The following SRD5A2 variants were observed in gnomAD, a reference collection of about 807,000 sequenced individuals.
The protein encoded by SRD5A2 is 3-oxo-5-alpha-steroid 4-dehydrogenase 2.
A neutral mutation model predicts 27.4 loss-of-function variants in SRD5A2; 30 were observed. That is an observed-to-expected ratio of 1.10 (90% CI 0.82 to 1.49). The LOEUF (loss-of-function observed/expected upper bound fraction) is 1.49. Among genes scored for constraint, SRD5A2 ranks in the 40% most tolerant of loss-of-function variants. The pLI is 0.00. For synonymous variants in SRD5A2, 141 were observed against 133.6 expected, an observed-to-expected ratio of 1.06 and a Z score of -0.38; for missense variants, 348 against 323.4, an observed-to-expected ratio of 1.08 and a Z score of -0.58.
the SRD5A2 span, among the ~76,000 whole-genome samples, chr2:31,650,383 GAAGA>G: frequency 6.6e-6 from 1 of 152,180 alleles, no homozygotes; most frequent in South Asian, 2.1e-4. Flanking sequence ...TCACTAAAGT[GAAGA>G]AAGAATAGTA....
At chr2:31,592,795 G>T in the SRD5A2 span, among the ~76,000 whole-genome samples, 1 of 152,116 alleles carries the variant, frequency 6.6e-6, no homozygotes, top group South Asian at 2.1e-4. Context: ...ACCCCCAAAA[G>T]ATCACACTAG....
upstream of SRD5A2, among the ~76,000 whole-genome samples, chr2:31,582,496 A>G (rs1223076620): frequency 6.6e-6 from 1 of 152,184 alleles, no homozygotes; most frequent in East Asian, 1.9e-4. Context: ...TACTGACCGA[A>G]GCATTTTTCA....
chr2:31,571,813 AT>A (rs1371524480), intron 1 of SRD5A2, among the ~76,000 whole-genome samples: 2 of 152,258 alleles, frequency 1.3e-5, no homozygotes, highest in African/African-American at 4.8e-5. Context: ...CAAAACCACC[AT>A]AAAATATCAT....
chr2:31,536,599 C>G (rs1286838092), intron 1 of SRD5A2, among the ~76,000 whole-genome samples: 1 of 152,194 alleles, frequency 6.6e-6, no homozygotes, highest in Non-Finnish European at 1.5e-5. Context: ...ACACATGGTA[C>G]AGACAGAAGA....
At chr2:31,617,895 G>C in the SRD5A2 span, among the ~76,000 whole-genome samples, 1 of 152,120 alleles carries the variant, frequency 6.6e-6, no homozygotes, top group Non-Finnish European at 1.5e-5. Context: ...TTCAATCTCT[G>C]CCTGTCACCC....
intron 1 of SRD5A2, among the ~76,000 whole-genome samples, chr2:31,575,159 A>G (rs1666931953): frequency 6.6e-6 from 1 of 151,868 alleles, no homozygotes; most frequent in Non-Finnish European, 1.5e-5. Context: ...AGATTTGTCT[A>G]TTGTTTCCAA....
chr2:31,539,398 T>G (rs1157581341), intron 1 of SRD5A2, among the ~76,000 whole-genome samples: 1 of 152,218 alleles, frequency 6.6e-6, no homozygotes, highest in African/African-American at 2.4e-5. Flanking sequence ...ATAGTTGCTT[T>G]GTTATAACAA....
intron 1 of SRD5A2, among the ~76,000 whole-genome samples, chr2:31,559,813 C>T (rs1666577168): frequency 6.7e-6 from 1 of 148,410 alleles, no homozygotes; most frequent in Non-Finnish European, 1.5e-5. Context: ...TACATCAGTG[C>T]CCATAAGTAA....
At chr2:31,569,677 C>CAAAAAAAAAAAAAAAAAAA in intron 1 of SRD5A2, among the ~76,000 whole-genome samples, 1 of 138,576 alleles carries the variant, frequency 7.2e-6, no homozygotes, top group African/African-American at 2.6e-5. Context: ...AAACAAAAAA[C>CAAAAAAAAAAAAAAAAAAA]AAAAAAAAAA....
At chr2:31,648,212 GA>G in the SRD5A2 span, among the ~76,000 whole-genome samples, 6 of 152,094 alleles carry the variant, frequency 3.9e-5, no homozygotes, top group African/African-American at 1.4e-4. Flanking sequence ...AAAAATGGAG[GA>G]AAAAAGGTTT....
At chr2:31,636,433 C>T in the SRD5A2 span, among the ~76,000 whole-genome samples, 1 of 152,038 alleles carries the variant, frequency 6.6e-6, no homozygotes, top group Non-Finnish European at 1.5e-5. Context: ...CAAAACAAGG[C>T]TAATGTGACT....
Position 31,548,077 on chromosome 2 carries a change from T to C in SRD5A2, c.282-14311A>G, listed in dbSNP as rs1011782554. 4.1e-4 allele frequency among the ~76,000 whole-genome samples: 63 copies of C among 152,072 alleles called. 1 individual carries two copies. The highest frequency in any genetic ancestry group is 1.5e-3 in the African/African-American group (61 of 41,410). On this transcript the variant is annotated intron_variant, in intron 1 of 4. Coordinates refer to ENST00000622030, the MANE Select transcript of SRD5A2 (RefSeq NM_000348.4). Reference sequence around the variant, plus strand: ...AATAAATTAGACCCTTACCTAATACTATATAGAAAAATTAACTCAAAATTG... The same window carrying C: ...AATAAATTAGACCCTTACCTAATACCATATAGAAAAATTAACTCAAAATTG...
the SRD5A2 span, among the ~76,000 whole-genome samples, chr2:31,588,613 A>T: frequency 2.0e-5 from 3 of 152,256 alleles, no homozygotes; most frequent in African/African-American, 7.2e-5. Context: ...CTGTCCTACA[A>T]GAAATGCTAA....
chr2:31,580,912 C>T lies in SRD5A2; in HGVS notation c.-12G>A. 6.3e-7 allele frequency: 1 copy of T among 1,589,200 alleles called. No individual in the cohort carries two copies. The highest frequency in any genetic ancestry group is 8.6e-7 in the Non-Finnish European group (1 of 1,165,800). On this transcript the variant is annotated 5_prime_UTR_variant, in exon 1 of 5. Coordinates refer to ENST00000622030, the MANE Select transcript of SRD5A2 (RefSeq NM_000348.4). ...CACTGAACCTGCATCGCGCCGTGTT[C>T]CTCGCCGGTGGCCGCTGCCCTCCCA...
the SRD5A2 span, among the ~76,000 whole-genome samples, chr2:31,627,931 G>A: frequency 2.6e-5 from 4 of 152,120 alleles, no homozygotes; most frequent in Non-Finnish European, 5.9e-5. Flanking sequence ...ATCTGCAGAT[G>A]AGAAGAATGT....
the SRD5A2 span, among the ~76,000 whole-genome samples, chr2:31,611,079 A>G: frequency 6.6e-6 from 1 of 152,146 alleles, no homozygotes; most frequent in African/African-American, 2.4e-5. Context: ...ATTGCACTCT[A>G]GCCTAGGTGA....
chr2:31,659,436 T>C, the SRD5A2 span, among the ~76,000 whole-genome samples: 2 of 152,104 alleles, frequency 1.3e-5, no homozygotes, highest in Non-Finnish European at 2.9e-5. Context: ...GAAAACCTCA[T>C]AGTCTCTGCC....
the SRD5A2 span, among the ~76,000 whole-genome samples, chr2:31,653,629 A>C: frequency 6.6e-6 from 1 of 152,118 alleles, no homozygotes. Context: ...AGACATTGAG[A>C]ATGAGTAGAA....
At chr2:31,633,748 G>T in the SRD5A2 span, among the ~76,000 whole-genome samples, 2 of 152,140 alleles carry the variant, frequency 1.3e-5, no homozygotes, top group African/African-American at 2.4e-5. Flanking sequence ...CGGGGGGACT[G>T]CAAGACAGGA....
Sources: gnomAD v4.1 joint callset for allele counts (sites outside exome capture counted in the v4.1 genomes callset) on GRCh38, gnomAD v4.1.1 for gene constraint, MANE v1.5 for transcripts, NCBI Gene and HGNC (gene_info 2026-07-23, HGNC 2026-07-21) for gene names.